The following SLC1A3 variants were observed in gnomAD, a reference collection of about 807,000 sequenced individuals.
The protein encoded by SLC1A3 is excitatory amino acid transporter 1.
In SLC1A3, 21 loss-of-function variants were observed where a neutral mutation model predicts 48.1. That is an observed-to-expected ratio of 0.44 (90% CI 0.31 to 0.63). The LOEUF (loss-of-function observed/expected upper bound fraction) is 0.63. Ranked by LOEUF, SLC1A3 falls within the 20% of genes least tolerant of loss-of-function variation. SLC1A3 has a pLI of 0.08. For missense variants in SLC1A3, 546 were observed against 689.0 expected (o/e 0.79, Z 2.32); for synonymous variants, 239 against 251.4 (o/e 0.95, Z 0.47).
intron 3 of SLC1A3, among the ~76,000 whole-genome samples, chr5:36,657,105 C>T (rs1378160235): frequency 1.3e-5 from 2 of 152,188 alleles, no homozygotes; most frequent in Non-Finnish European, 2.9e-5. Flanking sequence ...AATGATATGA[C>T]ATTCCTATCT....
intron 6 of SLC1A3, among the ~76,000 whole-genome samples, chr5:36,679,279 G>A (rs2111965773): frequency 6.6e-6 from 1 of 152,258 alleles, no homozygotes; most frequent in East Asian, 1.9e-4. Context: ...TGACCCCCAT[G>A]TAGTGAAAGG....
At chr5:36,626,023 C>T (rs1739889786) in intron 2 of SLC1A3, among the ~76,000 whole-genome samples, 1 of 152,230 alleles carries the variant, frequency 6.6e-6, no homozygotes, top group African/African-American at 2.4e-5. Flanking sequence ...GAGACTGTGT[C>T]ATTCACACAT....
At chr5:36,653,203 T>TA (rs1741153862) in intron 3 of SLC1A3, among the ~76,000 whole-genome samples, 1 of 152,220 alleles carries the variant, frequency 6.6e-6, no homozygotes, top group Admixed American at 6.5e-5. Context: ...AGCAGCTGCT[T>TA]ACAATTCTTT....
intron 2 of SLC1A3, among the ~76,000 whole-genome samples, chr5:36,621,540 G>A (rs1272069730): frequency 6.6e-6 from 1 of 152,188 alleles, no homozygotes; most frequent in Non-Finnish European, 1.5e-5. Flanking sequence ...AGGTGAAGTA[G>A]AGGCAGAGAA....
chr5:36,637,052 C>G (rs1740421216), intron 3 of SLC1A3, among the ~76,000 whole-genome samples: 1 of 152,174 alleles, frequency 6.6e-6, no homozygotes, highest in Non-Finnish European at 1.5e-5. Context: ...CTCTTGGGCA[C>G]CTAAGCATAA....
chr5:36,608,667 C>T (rs567405660), intron 2 of SLC1A3, 63 bp downstream of exon 2: 168 of 1,599,848 alleles, frequency 1.1e-4, no homozygotes, highest in African/African-American at 1.9e-4. Flanking sequence ...TCTGGCTGCC[C>T]GGGGAATATT....
chr5:36,670,418 C>A (rs766280088), intron 3 of SLC1A3, among the ~76,000 whole-genome samples: 1 of 152,060 alleles, frequency 6.6e-6, no homozygotes, highest in African/African-American at 2.4e-5. Flanking sequence ...TATTTGAGAA[C>A]CTTATAAGCC....
chr5:36,606,859 C>T (rs914992820), intron 1 of SLC1A3, 124 bp downstream of exon 1: 2 of 152,282 alleles, frequency 1.3e-5, no homozygotes, highest in African/African-American at 4.8e-5. Context: ...TAGATAAAGT[C>T]CTTGTTAGTC....
chr5:36,636,600 CTTTTTTT>C (rs11292001), intron 3 of SLC1A3, among the ~76,000 whole-genome samples: 2 of 107,778 alleles, frequency 1.9e-5, no homozygotes, highest in Non-Finnish European at 3.8e-5. Flanking sequence ...TTTCTTCTTT[CTTTTTTT>C]TTTTTTTTTG....
At chr5:36,627,170 C>T (rs1037916868) in intron 2 of SLC1A3, among the ~76,000 whole-genome samples, 6 of 152,000 alleles carry the variant, frequency 3.9e-5, no homozygotes, top group Non-Finnish European at 8.8e-5. Flanking sequence ...CACACACACA[C>T]GTACGTACCT....
intron 2 of SLC1A3, among the ~76,000 whole-genome samples, chr5:36,617,028 G>A (rs900322320): frequency 3.9e-5 from 6 of 152,166 alleles, no homozygotes; most frequent in Non-Finnish European, 8.8e-5. Flanking sequence ...TCCACGAGAC[G>A]ATGGGTGACG....
intron 3 of SLC1A3, among the ~76,000 whole-genome samples, chr5:36,645,158 T>G (rs941682327): frequency 1.3e-5 from 2 of 152,132 alleles, no homozygotes; most frequent in African/African-American, 2.4e-5. Flanking sequence ...TTAGTTATTT[T>G]TAATTCAGAA....
intron 1 of SLC1A3, chr5:36,607,237 G>A (rs537249041): frequency 6.6e-6 from 1 of 152,166 alleles, no homozygotes; most frequent in East Asian, 1.9e-4. Context: ...TTTGCGAGGA[G>A]TCCTTTGGTT....
chr5:36,625,325 G>T (rs1481804241), intron 2 of SLC1A3, among the ~76,000 whole-genome samples: 1 of 152,156 alleles, frequency 6.6e-6, no homozygotes, highest in Non-Finnish European at 1.5e-5. Flanking sequence ...GGGCCTGTTG[G>T]TTCATGCCTG....
At chr5:36,630,213 G>A (rs1740083838) in intron 3 of SLC1A3, among the ~76,000 whole-genome samples, 1 of 152,190 alleles carries the variant, frequency 6.6e-6, no homozygotes, top group Non-Finnish European at 1.5e-5. Context: ...TATTTTATCA[G>A]TGGACACTTG....
intron 2 of SLC1A3, among the ~76,000 whole-genome samples, chr5:36,623,748 C>A (rs896594223): frequency 1.3e-5 from 2 of 151,278 alleles, no homozygotes; most frequent in Non-Finnish European, 2.9e-5. Flanking sequence ...CCTGTAATCC[C>A]AGCTACTTGT....
intron 3 of SLC1A3, among the ~76,000 whole-genome samples, chr5:36,656,878 A>G (rs549600794): frequency 6.6e-6 from 1 of 152,314 alleles, no homozygotes; most frequent in African/African-American, 2.4e-5. Context: ...AAAATCACTG[A>G]TATGTTATTC....
At chr5:36,622,443 A>T (rs1339089371) in intron 2 of SLC1A3, among the ~76,000 whole-genome samples, 1 of 152,194 alleles carries the variant, frequency 6.6e-6, no homozygotes, top group Non-Finnish European at 1.5e-5. Flanking sequence ...TCAAACTCCA[A>T]CATTTACCAA....
chr5:36,665,454 C>T (rs73089416), intron 3 of SLC1A3, among the ~76,000 whole-genome samples: 1 of 152,200 alleles, frequency 6.6e-6, no homozygotes, highest in African/African-American at 2.4e-5. Context: ...ACTTTGTACC[C>T]TGTAAATATG....
Sources: allele counts gnomAD v4.1 joint callset (sites outside exome capture counted in the v4.1 genomes callset), GRCh38; gene constraint gnomAD v4.1.1; transcripts MANE v1.5; gene names NCBI Gene and HGNC (gene_info 2026-07-23, HGNC 2026-07-21).